TCF7L1: variants seen among roughly 807,000 people sequenced by gnomAD.
The protein encoded by TCF7L1 is transcription factor 7 like 1.
Under a neutral mutation model 63.7 loss-of-function variants are expected in TCF7L1, and 18 were observed. The ratio of observed to expected loss-of-function variants is 0.28; its 90% CI spans 0.20 to 0.42. The LOEUF (loss-of-function observed/expected upper bound fraction) is 0.42. Ranked by LOEUF, TCF7L1 falls within the 10% of genes least tolerant of loss-of-function variation. The probability of loss-of-function intolerance (pLI) is 1.00; values close to 1 mark genes in which losing one functional copy is unlikely to be tolerated. For missense variants in TCF7L1, 654 were observed against 779.3 expected (o/e 0.84, Z 1.91); for synonymous variants, 355 against 340.9 (o/e 1.04, Z -0.46).
At chr2:85,233,245 C>T (rs1426532771) in intron 3 of TCF7L1, among the ~76,000 whole-genome samples, 1 of 151,270 alleles carries the variant, frequency 6.6e-6, no homozygotes, top group African/African-American at 2.4e-5. Flanking sequence ...GGAGATTCTT[C>T]TTCATTTTCT....
chr2:85,167,818 C>T (rs555169836), intron 3 of TCF7L1, among the ~76,000 whole-genome samples: 10 of 152,074 alleles, frequency 6.6e-5, no homozygotes, highest in Non-Finnish European at 1.2e-4. Context: ...GAGCCAAGAT[C>T]CCACCACTGT....
intron 3 of TCF7L1, among the ~76,000 whole-genome samples, chr2:85,136,724 G>A (rs190200547): frequency 2.0e-5 from 3 of 152,316 alleles, no homozygotes; most frequent in Non-Finnish European, 1.5e-5. Context: ...TACTGGGGAA[G>A]TGTCCTGCCC....
At chr2:85,262,719 G>A (rs181326722) in intron 3 of TCF7L1, among the ~76,000 whole-genome samples, 1 of 152,254 alleles carries the variant, frequency 6.6e-6, no homozygotes, top group Non-Finnish European at 1.5e-5. Flanking sequence ...AACTCTGAAA[G>A]CAATTAGAGA....
chr2:85,267,790 G>A (rs1021566717), intron 3 of TCF7L1, among the ~76,000 whole-genome samples: 2 of 152,098 alleles, frequency 1.3e-5, no homozygotes, highest in Admixed American at 6.5e-5. Flanking sequence ...GGGGTTAAAC[G>A]AAATAACACA....
At chr2:85,214,749 CAG>C (rs1445088674) in intron 3 of TCF7L1, among the ~76,000 whole-genome samples, 2 of 152,130 alleles carry the variant, frequency 1.3e-5, no homozygotes, top group African/African-American at 4.8e-5. Flanking sequence ...ATTCTGGTAA[CAG>C]GGGCTCCCCG....
chr2:85,282,556 A>G (rs1412827245), intron 3 of TCF7L1, among the ~76,000 whole-genome samples: 2 of 152,198 alleles, frequency 1.3e-5, no homozygotes, highest in East Asian at 3.9e-4. Flanking sequence ...TAGTCCGAAC[A>G]ACCTGTACCG....
intron 3 of TCF7L1, among the ~76,000 whole-genome samples, chr2:85,173,103 T>C (rs536190585): frequency 6.6e-6 from 1 of 152,348 alleles, no homozygotes; most frequent in South Asian, 2.1e-4. Context: ...ACACACACCT[T>C]ATTTCCTGAG....
intron 3 of TCF7L1, among the ~76,000 whole-genome samples, chr2:85,168,726 A>G (rs991871888): frequency 1.3e-5 from 2 of 151,784 alleles, no homozygotes; most frequent in African/African-American, 4.8e-5. Flanking sequence ...GAATCAAGTG[A>G]TTCTCATGCC....
At chr2:85,147,096 A>G (rs1293260978) in intron 3 of TCF7L1, among the ~76,000 whole-genome samples, 3 of 151,996 alleles carry the variant, frequency 2.0e-5, no homozygotes, top group Non-Finnish European at 4.4e-5. Flanking sequence ...TATTCACCCA[A>G]CTTCTCTGTA....
intron 3 of TCF7L1, among the ~76,000 whole-genome samples, chr2:85,143,487 T>C (rs764700638): frequency 3.3e-5 from 5 of 152,230 alleles, no homozygotes; most frequent in Non-Finnish European, 7.3e-5. Context: ...CACTTGGCAA[T>C]GGCTGCTAAG....
At chr2:85,172,677 T>C (rs1322806537) in intron 3 of TCF7L1, among the ~76,000 whole-genome samples, 2 of 152,154 alleles carry the variant, frequency 1.3e-5, no homozygotes, top group Non-Finnish European at 2.9e-5. Flanking sequence ...CTGCCCGCCT[T>C]GGCCTCCCAA....
At chr2:85,267,886 G>C (rs1462650745) in intron 3 of TCF7L1, among the ~76,000 whole-genome samples, 3 of 152,242 alleles carry the variant, frequency 2.0e-5, no homozygotes, top group Middle Eastern at 3.4e-3. Flanking sequence ...ACAGTTTCCT[G>C]TCCCTGGCTT....
rs543942730 is a variant in TCF7L1 at position 85,306,939 on chromosome 2, C to T, written c.1257+380C>T. Among the ~76,000 whole-genome samples, 233 of 152,340 alleles carry T rather than the reference C, an allele frequency of 1.5e-3. 1 individual carries two copies. The highest frequency in any genetic ancestry group is 2.8e-3 in the Non-Finnish European group (190 of 68,034). ...TCGGCCTCCCAAAGCGCTGGGATTA[C>T]AGGCGTGAGCCACCGCGCCCGGCCA... is the stretch of plus-strand genomic sequence containing the variant. On this transcript the variant is annotated intron_variant, in intron 10 of 11. Coordinates refer to ENST00000282111, the MANE Select transcript of TCF7L1 (RefSeq NM_031283.3). The surrounding 1 kb of genome is among the most constrained non-coding windows in gnomAD (Gnocchi z 4.3).
chr2:85,144,735 GTGTGTGTGTGTGTGTA>G (rs1677832809), intron 3 of TCF7L1, among the ~76,000 whole-genome samples: 1 of 148,756 alleles, frequency 6.7e-6, no homozygotes, highest in South Asian at 2.1e-4. Context: ...GTGTGTGTGT[GTGTGTGTGTGTGTGTA>G]TGTGTGTGTG....
chr2:85,245,715 T>C (rs760270533), intron 3 of TCF7L1, among the ~76,000 whole-genome samples: 3 of 151,592 alleles, frequency 2.0e-5, no homozygotes, highest in Non-Finnish European at 4.4e-5. Context: ...CTCGGGAGGC[T>C]GAGGCAGGAG....
chr2:85,196,556 G>T (rs1426642832), intron 3 of TCF7L1, among the ~76,000 whole-genome samples: 1 of 151,014 alleles, frequency 6.6e-6, no homozygotes, highest in Non-Finnish European at 1.5e-5. Context: ...TTTTTTAAGA[G>T]ACAGGGTCTC....
intron 3 of TCF7L1, among the ~76,000 whole-genome samples, chr2:85,266,836 T>TA (rs965278619): frequency 5.9e-5 from 9 of 152,136 alleles, no homozygotes; most frequent in South Asian, 2.1e-4. Flanking sequence ...TTATGTGTTG[T>TA]AAAAAAAATA....
chr2:85,134,600 A>C lies in TCF7L1; in HGVS notation c.441+150A>C. 4.4e-5 allele frequency: 45 copies of C among 1,020,542 alleles called. No homozygotes were observed. Among genetic ancestry groups the C allele is most frequent in the East Asian group, 5.8e-5 (2 of 34,216 alleles). The allele number at this position is 1,020,542 out of a possible 1,614,324, so 63.2% of individuals were successfully genotyped here. On this transcript the variant is annotated intron_variant, in intron 3 of 11. Transcript: ENST00000282111. This position sits in a 1 kb window ranked among gnomAD's most constrained non-coding sequence, Gnocchi z 5.0. ...GAGTTGAACTACTCTCTGGCGGCCG[A>C]GCGCGAGGCTGCGCTGGCCAGTGCC... is the stretch of plus-strand genomic sequence containing the variant.
chr2:85,142,495 TATAC>T (rs1677767642), intron 3 of TCF7L1, among the ~76,000 whole-genome samples: 1 of 148,636 alleles, frequency 6.7e-6, no homozygotes. Flanking sequence ...TATATATATA[TATAC>T]ACACACACAC....
Sources: gnomAD v4.1 joint callset for allele counts (sites outside exome capture counted in the v4.1 genomes callset) on GRCh38, gnomAD v4.1.1 for gene constraint, Gnocchi (gnomAD v3.1) non-coding constraint, MANE v1.5 for transcripts, NCBI Gene and HGNC (gene_info 2026-07-23, HGNC 2026-07-21) for gene names.